SAMMSON: variants seen among roughly 807,000 people sequenced by gnomAD.
SAMMSON encodes the protein long intergenic non-protein coding RNA 1212.
chr3:70,153,609 G>C (rs2067580170), intron 4 of SAMMSON, among the ~76,000 whole-genome samples: 1 of 151,960 alleles, frequency 6.6e-6, no homozygotes, highest in East Asian at 1.9e-4. Context: ...CTTGTAATCA[G>C]GGAAAACTAC....
chr3:70,271,150 T>C (rs1701972768), intron 6 of SAMMSON, among the ~76,000 whole-genome samples: 1 of 152,150 alleles, frequency 6.6e-6, no homozygotes, highest in Non-Finnish European at 1.5e-5. Context: ...GTTTTTGCCA[T>C]TTAAAAGTAT....
At chr3:70,166,517 C>T (rs563272732) in intron 4 of SAMMSON, among the ~76,000 whole-genome samples, 1 of 152,094 alleles carries the variant, frequency 6.6e-6, no homozygotes, top group East Asian at 1.9e-4. Context: ...AAACCATTTA[C>T]AGCACCCGTA....
chr3:70,174,666 G>A (rs1024439671), intron 4 of SAMMSON, among the ~76,000 whole-genome samples: 6 of 151,836 alleles, frequency 4.0e-5, no homozygotes, highest in Admixed American at 6.6e-5. Flanking sequence ...TAGTTTTATT[G>A]TATTCATATG....
At chr3:70,229,479 T>C (rs1457552344) in intron 4 of SAMMSON, among the ~76,000 whole-genome samples, 1 of 152,350 alleles carries the variant, frequency 6.6e-6, no homozygotes. Context: ...TTCCTTTTTC[T>C]GGGCACACGG....
At chr3:70,133,493 A>G (rs989169298) in intron 4 of SAMMSON, among the ~76,000 whole-genome samples, 1 of 152,166 alleles carries the variant, frequency 6.6e-6, no homozygotes, top group Non-Finnish European at 1.5e-5. Flanking sequence ...GTTTTCTGGA[A>G]TTCAATGAGC....
Position 70,332,469 on chromosome 3 carries a change from T to C in SAMMSON, n.740-21706T>C, listed in dbSNP as rs557069864. On this transcript the variant is annotated intron_variant and non_coding_transcript_variant, in intron 7 of 9. Transcript: ENST00000642114. ...TCTTCTTGTGGATGTCCAAGTGTCA[T>C]CTCAGAACCAGTGCCTCAAACTGAG... is the stretch of plus-strand genomic sequence containing the variant. Among the ~76,000 whole-genome samples, 6 of 152,252 alleles carry C rather than the reference T, an allele frequency of 3.9e-5. No individual in the cohort carries two copies. The South Asian group carries it at 1.2e-3, about 32-fold the overall frequency.
intron 4 of SAMMSON, among the ~76,000 whole-genome samples, chr3:70,239,000 G>A (rs1701639267): frequency 6.6e-6 from 1 of 152,156 alleles, no homozygotes; most frequent in South Asian, 2.1e-4. Context: ...GAGTGGAAAT[G>A]TTTAATTTTG....
chr3:70,304,748 A>G (rs759967559), intron 7 of SAMMSON, among the ~76,000 whole-genome samples: 1 of 152,204 alleles, frequency 6.6e-6, no homozygotes, highest in Non-Finnish European at 1.5e-5. Context: ...ACCTCATGCA[A>G]TATAAATGAC....
rs1436304601 is a variant in SAMMSON at position 70,259,450 on chromosome 3, C to T, written n.674+9780C>T. On this transcript the variant is annotated intron_variant and non_coding_transcript_variant, in intron 6 of 9. Transcript: ENST00000642114. ...AAAAGAAAGAAAGTAAGCACCAAAC[C>T]TCACACCCAGGTCTGGGAGGTAGCA... 2.0e-5 allele frequency among the ~76,000 whole-genome samples: 3 copies of T among 151,850 alleles called. No individual in the cohort carries two copies. The East Asian group carries it at 5.8e-4, about 29-fold the overall frequency.
intron 3 of SAMMSON, among the ~76,000 whole-genome samples, chr3:70,016,936 A>G (rs1337673569): frequency 1.3e-5 from 2 of 151,992 alleles, no homozygotes; most frequent in African/African-American, 2.4e-5. Context: ...GTTCTGTTCC[A>G]TTGGTCTATA....
chr3:70,092,608 T>A (rs910826458), intron 4 of SAMMSON, among the ~76,000 whole-genome samples: 1 of 152,138 alleles, frequency 6.6e-6, no homozygotes, highest in Non-Finnish European at 1.5e-5. Flanking sequence ...GAAGAACCTT[T>A]CTTCTTTGTT....
chr3:70,268,666 T>A (rs1701946749), intron 6 of SAMMSON, among the ~76,000 whole-genome samples: 1 of 152,156 alleles, frequency 6.6e-6, no homozygotes, highest in African/African-American at 2.4e-5. Flanking sequence ...ATTTTCAGTA[T>A]TCTCTCTTCT....
chr3:70,007,418 A>T (rs1051533339), intron 1 of SAMMSON, among the ~76,000 whole-genome samples: 2 of 151,940 alleles, frequency 1.3e-5, no homozygotes, highest in South Asian at 4.2e-4. Flanking sequence ...GCATTTTTTC[A>T]TGTGTCTGTT....
At chr3:70,419,005 CTTTCTTTCTTTCCT>C (rs1575645540) in intron 2 of SAMMSON, among the ~76,000 whole-genome samples, 1 of 118,448 alleles carries the variant, frequency 8.4e-6, no homozygotes, top group East Asian at 2.5e-4. Context: ...CTCTCTCTTT[CTTTCTTTCTTTCCT>C]TCTTTCTTTC....
At chr3:70,360,345 G>T (rs557105521) in intron 9 of SAMMSON, among the ~76,000 whole-genome samples, 1 of 152,184 alleles carries the variant, frequency 6.6e-6, no homozygotes, top group Non-Finnish European at 1.5e-5. Context: ...CAATAAGGAC[G>T]GGACCTTCTT....
Position 70,277,982 on chromosome 3 carries a change from G to A in SAMMSON, n.675-13197G>A, listed in dbSNP as rs75646981. Among the ~76,000 whole-genome samples, 683 of 152,082 alleles carry A rather than the reference G, an allele frequency of 4.5e-3. 1 individual carries two copies. The highest frequency in any genetic ancestry group is 0.01 in the Middle Eastern group (3 of 294). On this transcript the variant is annotated intron_variant and non_coding_transcript_variant, in intron 6 of 9. Coordinates refer to ENST00000642114, the Ensembl canonical transcript of SAMMSON. ...AGCTACAACTTACATAAAATAAAGC[G>A]CGCAAATCTTAAGTATATACATTGA...
rs111704100 is a variant in SAMMSON, at chr3:70,296,402, C to T, written n.739+5159C>T. Among the ~76,000 whole-genome samples, 25 of 152,200 alleles carry T rather than the reference C, an allele frequency of 1.6e-4. 1 individual carries two copies. The highest frequency in any genetic ancestry group is 5.5e-4 in the African/African-American group (23 of 41,548). ...GTTCCAGAGCCTACCAGAAAATGGA[C>T]CTAATTTTAGATAACCAAAATTCAA... is the stretch of plus-strand genomic sequence containing the variant. On this transcript the variant is annotated intron_variant and non_coding_transcript_variant, in intron 7 of 9. Transcript: ENST00000642114.
chr3:70,101,475 G>T (rs2067345850), intron 4 of SAMMSON, among the ~76,000 whole-genome samples: 1 of 151,994 alleles, frequency 6.6e-6, no homozygotes. Context: ...TTACATATAG[G>T]TTTATTTTGA....
rs1464446807 is a variant in SAMMSON, at chr3:70,094,249, C to T, written n.507+22684C>T. 2.0e-5 allele frequency among the ~76,000 whole-genome samples: 3 copies of T among 151,964 alleles called. No homozygotes were observed. In the East Asian group the frequency reaches 5.8e-4, roughly 29 times the overall value. On this transcript the variant is annotated intron_variant and non_coding_transcript_variant, in intron 4 of 9. Coordinates refer to ENST00000642114, the Ensembl canonical transcript of SAMMSON. ...ACTGTATAGGCCACCACCAGGATCT[C>T]ATCTAATAGCCTCATGACATCTGTT...
Sources: allele counts gnomAD v4.1 joint callset (sites outside exome capture counted in the v4.1 genomes callset), GRCh38; gene constraint gnomAD v4.1.1; transcripts MANE v1.5; gene names NCBI Gene and HGNC (gene_info 2026-07-23, HGNC 2026-07-21).